The following EIF3F variants were observed in gnomAD, a reference collection of about 807,000 sequenced individuals.
The protein encoded by EIF3F is deubiquitinating enzyme eIF3f.
A neutral mutation model predicts 36.0 loss-of-function variants in EIF3F; 8 were observed. The observed-to-expected ratio is 0.22, with a 90% CI of 0.13 to 0.40. The LOEUF (loss-of-function observed/expected upper bound fraction) is 0.40, where lower values mean the gene tolerates loss of function less well. EIF3F is among the 10% of genes least tolerant of loss of function. The pLI is 1.00. For synonymous variants in EIF3F, 184 were observed against 188.5 expected, an observed-to-expected ratio of 0.98 and a Z score of 0.19; for missense variants, 430 against 467.6, an observed-to-expected ratio of 0.92 and a Z score of 0.74.
rs771826730 is a variant in EIF3F, at chr11:7,987,601, A to G, written c.249A>G (p.Pro83=). ...PAPALPGPAL[P]GPFPGGRVVR... ...CCGCTCTGCCTGGTCCTGCTCTTCC[A>G]GGGCCCTTCCCCGGCGGCCGCGTGG... The change falls in exon 1 of 8, where the codon CCA becomes CCG. Residue 83 remains proline (P), a synonymous_variant. Transcript: ENST00000651655. 27 of 1,590,340 alleles carry G rather than the reference A, an allele frequency of 1.7e-5. No homozygotes were observed. In the East Asian group the frequency reaches 5.9e-4, roughly 35 times the overall value.
intron 1 of EIF3F, among the ~76,000 whole-genome samples, chr11:7,991,569 G>T (rs562163537): frequency 1.1e-4 from 17 of 152,190 alleles, no homozygotes; most frequent in Non-Finnish European, 1.6e-4. Context: ...CCTATTTGGT[G>T]ATGATTAGAG....
rs1942110551 is a variant in EIF3F, at chr11:7,992,615, T to C, written c.516-272T>C. The stretch of plus-strand genomic sequence containing the variant: ...GAAAGTGTGTTACCTGTAGGAACTG[T>C]GAATTCAGTGGGTTTTGCTGGTGGT... On this transcript the variant is annotated intron_variant, in intron 3 of 7. Transcript: ENST00000651655. The C allele has an allele frequency of 8.0e-6, 4 of 499,338 alleles. No homozygotes were observed. In the South Asian group the frequency reaches 8.5e-5, roughly 11 times the overall value. 30.9% of individuals were successfully genotyped at this position (499,338 alleles called of 1,614,324 possible).
Position 7,994,899 on chromosome 11 carries a change from C to T in EIF3F, c.746-83C>T, listed in dbSNP as rs551264878. The T allele has an allele frequency of 3.3e-4, 513 of 1,566,804 alleles. No homozygotes were observed. The African/African-American group carries it at 4.5e-3, about 14-fold the overall frequency. ...AACAGAGTTAGTAGGACGTTAAGAC[C>T]ATCTCTTTCCTGGTGGGATGACTGA... is the stretch of plus-strand genomic sequence containing the variant. On this transcript the variant is annotated intron_variant, in intron 5 of 7. Coordinates refer to ENST00000651655, the MANE Select transcript of EIF3F (RefSeq NM_003754.3).
intron 5 of EIF3F, 165 bp downstream of exon 5, chr11:7,994,682 T>C (rs1427126160): frequency 1.4e-6 from 1 of 724,748 alleles, no homozygotes; most frequent in Non-Finnish European, 2.3e-6. Flanking sequence ...AAATGGGATT[T>C]AAGGAGTTAT....
At chr11:7,993,083 C>A (rs950552916) in intron 4 of EIF3F, 59 bp downstream of exon 4, 5 of 1,503,892 alleles carry the variant, frequency 3.3e-6, no homozygotes, top group Non-Finnish European at 4.4e-6. Flanking sequence ...ATCCCTCCCC[C>A]ACCCCAAGCA....
chr11:7,987,777 C>T (rs748623320), intron 1 of EIF3F, 61 bp downstream of exon 1: 3 of 1,413,268 alleles, frequency 2.1e-6, no homozygotes, highest in African/African-American at 1.5e-5. Flanking sequence ...TATCTCACTC[C>T]CCTAACTCAT....
intron 1 of EIF3F, among the ~76,000 whole-genome samples, chr11:7,990,900 TA>T (rs71059142): frequency 7.3e-6 from 1 of 136,878 alleles, no homozygotes; most frequent in Non-Finnish European, 1.6e-5. Context: ...AATAAATAAA[TA>T]AAAGAAATAC....
chr11:7,995,198 G>C, intron 6 of EIF3F, 56 bp from the exon 7 acceptor site: 1 of 1,604,184 alleles, frequency 6.2e-7, no homozygotes, highest in Non-Finnish European at 8.5e-7. Flanking sequence ...TGATGAAATG[G>C]TAGGGCTCAG....
At position 7,987,490 on chromosome 11, in the gene EIF3F, C is replaced by T. The variant is rs747455483; in HGVS notation, c.138C>T (p.Ser46=). Reference sequence around the variant, plus strand: ...TTCCCGCTGCGGCTCCAGCCTCATCCTCAGACCCTGCGGCAGCAGCGGCTG... The same window carrying T: ...TTCCCGCTGCGGCTCCAGCCTCATCTTCAGACCCTGCGGCAGCAGCGGCTG... ...APVPAAAPAS[S]SDPAAAAAAT... Residue 46 remains serine, a synonymous_variant, in exon 1 of 8, where the codon TCC becomes TCT. Coordinates refer to ENST00000651655, the MANE Select transcript of EIF3F (RefSeq NM_003754.3). 3 of 1,606,634 alleles carry T rather than the reference C, an allele frequency of 1.9e-6. No individual in the cohort carries two copies. The highest frequency in any genetic ancestry group is 2.2e-5 in the South Asian group (2 of 90,728).
Position 7,999,165 on chromosome 11 carries a change from G to T in EIF3F, c.*3143G>T, listed in dbSNP as rs1339282172. 1 of 152,274 alleles carries T rather than the reference G, an allele frequency of 6.6e-6. No homozygotes were observed. The highest frequency in any genetic ancestry group is 1.5e-5 in the Non-Finnish European group (1 of 68,078). 9.4% of individuals were successfully genotyped at this position (152,274 alleles called of 1,614,324 possible). On this transcript the variant is annotated 3_prime_UTR_variant, in exon 8 of 8. Transcript: ENST00000651655. ...CGCACCTGTAGTCCCAGCTACTTGG[G>T]AAGCTGAGGCAGGAGAATCTCGAAC... is the stretch of plus-strand genomic sequence containing the variant.
chr11:7,993,103 C>T (rs1254815978), intron 4 of EIF3F, 79 bp downstream of exon 4: 2 of 1,463,320 alleles, frequency 1.4e-6, no homozygotes, highest in African/African-American at 2.9e-5. Flanking sequence ...AAGGTTAATT[C>T]CTTCCATGTG....
chr11:7,994,989 G>A lies in EIF3F; in HGVS notation c.753G>A (p.Leu251=). Residue 251 remains leucine, a synonymous_variant, in exon 6 of 8, where the codon CTG becomes CTA. Transcript: ENST00000651655. ...YYDTERIGVD[L]IMKTCFSPNR... is the part of the protein sequence containing the mutation. ...GCCAACCAACTTCCATAGTTGACCTGATCATGAAGACCTGCTTTAGCCCCA... is the reference window on the plus strand; with the variant it reads ...GCCAACCAACTTCCATAGTTGACCTAATCATGAAGACCTGCTTTAGCCCCA... 1.9e-6 allele frequency: 3 copies of A among 1,613,062 alleles called. No homozygotes were observed. Among genetic ancestry groups the A allele is most frequent in the Non-Finnish European group, 2.5e-6 (3 of 1,179,818 alleles).
At chr11:7,990,570 A>C (rs1033371614) in intron 1 of EIF3F, among the ~76,000 whole-genome samples, 4 of 152,226 alleles carry the variant, frequency 2.6e-5, no homozygotes, top group Non-Finnish European at 5.9e-5. Flanking sequence ...AAAGGTAGGA[A>C]GAAAACTAGA....
rs979425504 is a variant in EIF3F, at chr11:7,998,861, A to G, written c.*2839A>G. 9.2e-5 allele frequency: 14 copies of G among 152,200 alleles called. No homozygotes were observed. The highest frequency in any genetic ancestry group is 3.4e-4 in the African/African-American group (14 of 41,452). The allele number at this position is 152,200 out of a possible 1,614,324, so 9.4% of individuals were successfully genotyped here. A position where few individuals can be genotyped will look rare whatever the true frequency, so the allele number is the denominator to read the frequency against. On this transcript the variant is annotated 3_prime_UTR_variant, in exon 8 of 8. Transcript: ENST00000651655. ...TGGTTTCATCATAGGTATTGATTAT[A>G]TTATAAATAGCCCAACCTGAACTCA...
intron 1 of EIF3F, among the ~76,000 whole-genome samples, chr11:7,989,981 C>T (rs1166632973): frequency 6.6e-6 from 1 of 152,212 alleles, no homozygotes; most frequent in Non-Finnish European, 1.5e-5. Flanking sequence ...AAAGTCTAAC[C>T]TCATTTGAAG....
chr11:8,001,581 A>G lies in EIF3F; in HGVS notation c.*5559A>G, dbSNP rs892800704. Reference sequence around the variant, plus strand: ...GAATGAGACAGTCCTCTATATATCAATATGGATAAAGAGTAAGTGAAAAAA... The same window carrying G: ...GAATGAGACAGTCCTCTATATATCAGTATGGATAAAGAGTAAGTGAAAAAA... On this transcript the variant is annotated 3_prime_UTR_variant, in exon 8 of 8. Coordinates refer to ENST00000651655, the MANE Select transcript of EIF3F (RefSeq NM_003754.3). 3 of 152,328 alleles carry G rather than the reference A, an allele frequency of 2.0e-5. No homozygotes were observed. The highest frequency in any genetic ancestry group is 3.9e-4 in the East Asian group (2 of 5,188). 9.4% of individuals were successfully genotyped at this position (152,328 alleles called of 1,614,324 possible).
intron 1 of EIF3F, among the ~76,000 whole-genome samples, chr11:7,989,536 T>G (rs150416551): frequency 6.6e-6 from 1 of 152,362 alleles, no homozygotes; most frequent in Non-Finnish European, 1.5e-5. Flanking sequence ...AATGAAGTCA[T>G]TGGTGCTTTT....
chr11:7,996,093 T>G lies in EIF3F; in HGVS notation c.*71T>G. 1 of 1,434,944 alleles carries G rather than the reference T, an allele frequency of 7.0e-7. No individual in the cohort carries two copies. Among genetic ancestry groups the G allele is most frequent in the Non-Finnish European group, 9.8e-7 (1 of 1,018,176 alleles). 88.9% of individuals were successfully genotyped at this position (1,434,944 alleles called of 1,614,324 possible). A position where few individuals can be genotyped will look rare whatever the true frequency, so the allele number is the denominator to read the frequency against. On this transcript the variant is annotated 3_prime_UTR_variant, in exon 8 of 8. Coordinates refer to ENST00000651655, the MANE Select transcript of EIF3F (RefSeq NM_003754.3). ...GACTCAGAAGTGAAGGAGAAATGGG[T>G]TTTTTGTGGTCTTGAGTCACACTGA...
At chr11:7,992,499 G>A in intron 3 of EIF3F, 2 of 420,424 alleles carry the variant, frequency 4.8e-6, no homozygotes, top group Non-Finnish European at 8.7e-6. Context: ...TTGAGGCCAG[G>A]AATTTGAAGT....
Sources: gnomAD v4.1 joint callset for allele counts (sites outside exome capture counted in the v4.1 genomes callset) on GRCh38, gnomAD v4.1.1 for gene constraint, MANE v1.5 for transcripts, NCBI Gene and HGNC (gene_info 2026-07-23, HGNC 2026-07-21) for gene names.